Variants in MYT1L observed in about 807,000 individuals in gnomAD.
MYT1L encodes the protein myelin transcription factor 1 like.
In MYT1L, 12 loss-of-function variants were observed where a neutral mutation model predicts 126.7. That is an observed-to-expected ratio of 0.09 (90% CI 0.06 to 0.15). The LOEUF (loss-of-function observed/expected upper bound fraction) is 0.15. Among genes scored for constraint, MYT1L ranks in the 10% least tolerant of loss-of-function variants. MYT1L has a pLI of 1.00. For missense variants in MYT1L, 979 were observed against 1,585.2 expected (o/e 0.62, Z 6.49); for synonymous variants, 541 against 604.2 (o/e 0.90, Z 1.53).
At chr2:2,261,461 C>T (rs1419106049) in intron 2 of MYT1L, among the ~76,000 whole-genome samples, 1 of 152,026 alleles carries the variant, frequency 6.6e-6, no homozygotes, top group Non-Finnish European at 1.5e-5. Flanking sequence ...ATTAACAAAC[C>T]CCTGGGATAG....
In MYT1L at chr2:1,923,039, C is replaced by A. The variant is rs1429316688; in HGVS notation, c.730G>T (p.Gly244Cys). 1.4e-5 allele frequency: 22 copies of A among 1,613,854 alleles called. No individual in the cohort carries two copies. The highest frequency in any genetic ancestry group is 1.9e-5 in the Non-Finnish European group (22 of 1,179,898). Reference protein sequence around the residue: ...EDDSDKNENLGRKSELSLDLD... With the variant: ...EDDSDKNENLCRKSELSLDLD... ...TCTAAACTCAACTCACTTTTCCGAC[C>A]CAGGTTTTCGTTTTTGTCACTATCG... Residue 244 changes from glycine (G) to cysteine (C), a missense_variant, in exon 10 of 25, where the codon GGT (glycine) becomes TGT (cysteine). Coordinates refer to ENST00000647738, the MANE Select transcript of MYT1L (RefSeq NM_001303052.2).
chr2:1,898,623 C>T (rs1215920676), intron 14 of MYT1L, among the ~76,000 whole-genome samples: 1 of 152,216 alleles, frequency 6.6e-6, no homozygotes, highest in Non-Finnish European at 1.5e-5. Context: ...GAAGACAGGC[C>T]GTCTTGGCAG....
Position 2,006,056 on chromosome 2 carries a change from ATTCTTTCCTGCATGTG to A in MYT1L, c.-157-8725_-157-8710del, listed in dbSNP as rs1239418977. Among the ~76,000 whole-genome samples the A allele has an allele frequency of 6.4e-5, 8 of 125,472 alleles. No homozygotes were observed. The South Asian group carries it at 1.1e-3, about 17-fold the overall frequency. 82.3% of individuals were successfully genotyped at this position (125,472 alleles called of 152,430 possible). A position where few individuals can be genotyped will look rare whatever the true frequency, so the allele number is the denominator to read the frequency against. ...CCTGCAGGTGTTCTTTCCTGCATGC[ATTCTTTCCTGCATGTG>A]TTCTTTCCTGCATGCCTTCTTTCCT... is the stretch of plus-strand genomic sequence containing the variant. On this transcript the variant is annotated intron_variant, in intron 4 of 24. Transcript: ENST00000647738.
At chr2:2,241,100 G>T (rs7609377) in intron 2 of MYT1L, among the ~76,000 whole-genome samples, 1 of 151,964 alleles carries the variant, frequency 6.6e-6, no homozygotes, top group Non-Finnish European at 1.5e-5. Context: ...TGCTGTAATG[G>T]TACCAAGAAT....
chr2:2,329,466 T>TC (rs2096271783), intron 1 of MYT1L, among the ~76,000 whole-genome samples: 1 of 138,870 alleles, frequency 7.2e-6, no homozygotes, highest in Non-Finnish European at 1.6e-5. Context: ...TATTACTGAT[T>TC]CTTATAGTCC....
In MYT1L at chr2:1,790,959, C is replaced by T. The variant is rs890352019; in HGVS notation, c.*908G>A. 4.3e-5 allele frequency: 11 copies of T among 254,408 alleles called. No homozygotes were observed. The highest frequency in any genetic ancestry group is 1.1e-4 in the African/African-American group (5 of 44,604). The allele number at this position is 254,408 out of a possible 1,614,324, so 15.8% of individuals were successfully genotyped here. ...CAATAACAGACAGTTCAGAGGGGCA[C>T]GAAACTCTAGGGGAGATACGAGAAG... On this transcript the variant is annotated 3_prime_UTR_variant, in exon 25 of 25. Transcript: ENST00000647738.
chr2:1,850,625 T>C (rs2043147136), intron 19 of MYT1L, among the ~76,000 whole-genome samples: 1 of 152,166 alleles, frequency 6.6e-6, no homozygotes, highest in Admixed American at 6.5e-5. Flanking sequence ...CACCCGACCT[T>C]GGCTTCCCTC....
At chr2:2,099,733 G>A (rs1020328739) in intron 3 of MYT1L, among the ~76,000 whole-genome samples, 2 of 152,170 alleles carry the variant, frequency 1.3e-5, no homozygotes, top group African/African-American at 4.8e-5. Flanking sequence ...ACCAGATACC[G>A]TGAAGACGTG....
chr2:2,212,350 T>A (rs1418158298), intron 2 of MYT1L, among the ~76,000 whole-genome samples: 1 of 152,132 alleles, frequency 6.6e-6, no homozygotes, highest in African/African-American at 2.4e-5. Flanking sequence ...TAGCTGAGGC[T>A]CAGACATAAT....
At chr2:2,179,789 T>A (rs1435185313) in intron 2 of MYT1L, among the ~76,000 whole-genome samples, 3 of 152,216 alleles carry the variant, frequency 2.0e-5, no homozygotes, top group African/African-American at 7.2e-5. Context: ...ACCTTTAGTT[T>A]AAGCTGCTTT....
intron 4 of MYT1L, among the ~76,000 whole-genome samples, chr2:2,037,757 A>AAAAACAAAAC (rs548508138): frequency 6.6e-6 from 1 of 151,458 alleles, no homozygotes; most frequent in Non-Finnish European, 1.5e-5. Context: ...ACTCCGTCTC[A>AAAAACAAAAC]AAAACAAAAC....
At chr2:2,080,675 G>T (rs1230090196) in intron 3 of MYT1L, among the ~76,000 whole-genome samples, 2 of 152,170 alleles carry the variant, frequency 1.3e-5, no homozygotes, top group East Asian at 3.9e-4. Flanking sequence ...AAAAGGAAAA[G>T]AAAAGAAAAG....
At chr2:1,908,711 G>A (rs1465730214) in intron 13 of MYT1L, among the ~76,000 whole-genome samples, 1 of 152,182 alleles carries the variant, frequency 6.6e-6, no homozygotes, top group Non-Finnish European at 1.5e-5. Flanking sequence ...ATTAGCTGTG[G>A]GCTGATGGGG....
rs948308348 is a variant in MYT1L at position 2,224,355 on chromosome 2, A to T, written c.-420-51367T>A. On this transcript the variant is annotated intron_variant, in intron 2 of 24. Coordinates refer to ENST00000647738, the MANE Select transcript of MYT1L (RefSeq NM_001303052.2). The surrounding 1 kb of genome is among the most constrained non-coding windows in gnomAD (Gnocchi z 4.0). ...AGCAGACAGCAAAGGAAGAAGGTCC[A>T]TGGGCTCAGTGTCCCTCAAAACTAA... is the stretch of plus-strand genomic sequence containing the variant. Among the ~76,000 whole-genome samples, 1 of 152,138 alleles carries T rather than the reference A, an allele frequency of 6.6e-6. No homozygotes were observed. Among genetic ancestry groups the T allele is most frequent in the Non-Finnish European group, 1.5e-5 (1 of 68,036 alleles).
At chr2:1,901,487 G>A (rs926441607) in intron 14 of MYT1L, among the ~76,000 whole-genome samples, 18 of 152,062 alleles carry the variant, frequency 1.2e-4, no homozygotes, top group African/African-American at 3.6e-4. Context: ...TCTGTTATAC[G>A]CTACAGTCAC....
chr2:2,031,459 C>T (rs998981776), intron 4 of MYT1L, among the ~76,000 whole-genome samples: 5 of 143,428 alleles, frequency 3.5e-5, no homozygotes, highest in Admixed American at 2.1e-4. Context: ...ACACACCCCT[C>T]GCCAGTGCCT....
chr2:2,139,165 A>G (rs2083549199), intron 3 of MYT1L, among the ~76,000 whole-genome samples: 1 of 152,004 alleles, frequency 6.6e-6, no homozygotes, highest in African/African-American at 2.4e-5. Flanking sequence ...GAACAAGTGC[A>G]TGGCGTCTCC....
chr2:2,293,473 G>A (rs911298542), intron 1 of MYT1L, among the ~76,000 whole-genome samples: 4 of 152,334 alleles, frequency 2.6e-5, no homozygotes, highest in African/African-American at 9.6e-5. Flanking sequence ...AGCAGGGCGT[G>A]GAGGGTGATG....
chr2:2,088,641 A>G (rs1466957448), intron 3 of MYT1L, among the ~76,000 whole-genome samples: 2 of 152,050 alleles, frequency 1.3e-5, no homozygotes, highest in Admixed American at 1.3e-4. Context: ...AAAAAAAAAA[A>G]GATAGCTAGT....
Sources: allele counts gnomAD v4.1 joint callset (sites outside exome capture counted in the v4.1 genomes callset), GRCh38; gene constraint gnomAD v4.1.1; non-coding constraint Gnocchi (gnomAD v3.1); transcripts MANE v1.5; gene names NCBI Gene and HGNC (gene_info 2026-07-23, HGNC 2026-07-21).